Variants in COP1 observed in about 807,000 individuals in gnomAD.
The protein encoded by COP1 is E3 ubiquitin-protein ligase COP1.
COP1 carries 24 observed loss-of-function variants against 101.3 expected under a neutral mutation model. That is an observed-to-expected ratio of 0.24 (90% CI 0.17 to 0.33). COP1 has a LOEUF of 0.33. Ranked by LOEUF, COP1 falls within the 10% of genes least tolerant of loss-of-function variation. The pLI is 1.00. For synonymous variants in COP1, 347 were observed against 341.9 expected, an observed-to-expected ratio of 1.01 and a Z score of -0.17; for missense variants, 663 against 906.2, an observed-to-expected ratio of 0.73 and a Z score of 3.45.
Position 175,944,891 on chromosome 1 carries a change from C to T in COP1, c.*262G>A. ...TTTTTATTCAAAAGAATTTGTTTCCCTATCACAAAAATTAGATAACACCAC... is the reference window on the plus strand; with the variant it reads ...TTTTTATTCAAAAGAATTTGTTTCCTTATCACAAAAATTAGATAACACCAC... On this transcript the variant is annotated 3_prime_UTR_variant, in exon 20 of 20. Transcript: ENST00000367669. The T allele has an allele frequency of 2.4e-6, 1 of 415,502 alleles. No homozygotes were observed. The highest frequency in any genetic ancestry group is 7.1e-5 in the South Asian group (1 of 14,028). The allele number at this position is 415,502 out of a possible 1,614,324, so 25.7% of individuals were successfully genotyped here.
chr1:176,160,665 T>TG (rs1228677497), intron 5 of COP1, among the ~76,000 whole-genome samples: 7 of 151,910 alleles, frequency 4.6e-5, no homozygotes, highest in East Asian at 1.9e-4. Flanking sequence ...AAAAAACGTA[T>TG]GAAAAAAAAC....
At position 176,184,283 on chromosome 1, in the gene COP1, G is replaced by GCGTTCTCCAACCTATCC. The variant is rs375344658; in HGVS notation, c.467+333_467+349dup. The stretch of plus-strand genomic sequence containing the variant: ...CATGACCTTCTTAGCCTGCTTCACT[G>GCGTTCTCCAACCTATCC]CGTTCTCCAACCTATCCCCACAAGT... On this transcript the variant is annotated intron_variant, in intron 2 of 19. Transcript: ENST00000367669. Among the ~76,000 whole-genome samples the GCGTTCTCCAACCTATCC allele has an allele frequency of 8.8e-4, 134 of 152,218 alleles. 2 individuals are homozygous for GCGTTCTCCAACCTATCC. Among genetic ancestry groups the GCGTTCTCCAACCTATCC allele is most frequent in the African/African-American group, 2.7e-3 (114 of 41,540 alleles).
intron 9 of COP1, among the ~76,000 whole-genome samples, chr1:176,103,572 A>G (rs990020980): frequency 3.9e-5 from 6 of 152,234 alleles, no homozygotes; most frequent in Admixed American, 3.3e-4. Flanking sequence ...TCCAAAGTCC[A>G]AAATGCTCCA....
At chr1:176,149,864 T>C (rs12129873) in intron 5 of COP1, among the ~76,000 whole-genome samples, 10,560 of 152,094 alleles carry the variant, frequency 0.069, 458 homozygotes, top group Non-Finnish European at 0.087. Flanking sequence ...AGACAGTTTA[T>C]GAACAAACAT....
chr1:176,094,745 T>C (rs1287944134), intron 9 of COP1, among the ~76,000 whole-genome samples: 2 of 151,820 alleles, frequency 1.3e-5, no homozygotes, highest in Admixed American at 6.6e-5. Flanking sequence ...AAGAGCAAAT[T>C]AGATGATCAT....
intron 14 of COP1, among the ~76,000 whole-genome samples, chr1:176,035,978 T>G (rs952795856): frequency 5.9e-5 from 9 of 152,182 alleles, no homozygotes; most frequent in African/African-American, 1.9e-4. Flanking sequence ...CTGAAAATTT[T>G]AAGGAAATTT....
intron 7 of COP1, 93 bp downstream of exon 7, chr1:176,136,395 T>G (rs1689801882): frequency 1.4e-6 from 1 of 735,178 alleles, no homozygotes; most frequent in Admixed American, 2.6e-5. Context: ...CTAAGACCAA[T>G]CCCATAAACT....
chr1:176,207,000 C>T lies in COP1; in HGVS notation c.-22G>A. The stretch of plus-strand genomic sequence containing the variant: ...ACATCGTGACTCCCTCCCCTCCAGC[C>T]GGGCGCTCGGAGGAGAGGGACCGCG... On this transcript the variant is annotated 5_prime_UTR_variant, in exon 1 of 20. Coordinates refer to ENST00000367669, the MANE Select transcript of COP1 (RefSeq NM_022457.7). The T allele has an allele frequency of 7.3e-7, 1 of 1,366,638 alleles. No individual in the cohort carries two copies. The highest frequency in any genetic ancestry group is 1.6e-5 in the South Asian group (1 of 61,336). 84.7% of individuals were successfully genotyped at this position (1,366,638 alleles called of 1,614,324 possible). A position where few individuals can be genotyped will look rare whatever the true frequency, so the allele number is the denominator to read the frequency against.
intron 8 of COP1, among the ~76,000 whole-genome samples, chr1:176,127,232 A>C: frequency 6.6e-6 from 1 of 152,118 alleles, no homozygotes; most frequent in East Asian, 1.9e-4. Context: ...CTCTTTTGCT[A>C]TTCTAAAACA....
chr1:175,967,279 T>G (rs990721979), intron 18 of COP1, among the ~76,000 whole-genome samples: 12 of 152,182 alleles, frequency 7.9e-5, no homozygotes, highest in African/African-American at 2.9e-4. Flanking sequence ...CCCAAAGTGA[T>G]GGGACTACTG....
chr1:176,041,008 G>A (rs1670425287), intron 14 of COP1, among the ~76,000 whole-genome samples: 1 of 152,052 alleles, frequency 6.6e-6, no homozygotes, highest in Non-Finnish European at 1.5e-5. Context: ...ACAGTGAATA[G>A]TAAAGATGGA....
chr1:176,113,159 T>C (rs1298645651), intron 9 of COP1, among the ~76,000 whole-genome samples: 2 of 152,144 alleles, frequency 1.3e-5, no homozygotes, highest in Non-Finnish European at 2.9e-5. Flanking sequence ...CGACTTTACA[T>C]TCTCATCAGT....
chr1:176,133,071 C>T (rs1470731653), intron 8 of COP1, among the ~76,000 whole-genome samples: 10 of 136,456 alleles, frequency 7.3e-5, no homozygotes, highest in African/African-American at 2.5e-4. Flanking sequence ...CACATATGTA[C>T]GTATATATAC....
At chr1:176,019,737 T>C (rs530842449) in intron 15 of COP1, among the ~76,000 whole-genome samples, 1 of 151,882 alleles carries the variant, frequency 6.6e-6, no homozygotes, top group African/African-American at 2.4e-5. Flanking sequence ...AGCATGCTCC[T>C]GTAGTCTCAG....
intron 1 of COP1, among the ~76,000 whole-genome samples, chr1:176,185,181 G>A (rs1698292851): frequency 6.6e-6 from 1 of 151,980 alleles, no homozygotes; most frequent in South Asian, 2.1e-4. Context: ...CAACTTATTA[G>A]CTATTTAAAT....
chr1:176,163,072 T>C, intron 4 of COP1, 84 bp from the exon 5 acceptor site: 2 of 1,360,478 alleles, frequency 1.5e-6, no homozygotes, highest in Non-Finnish European at 2.0e-6. Flanking sequence ...TGCTACTTCC[T>C]AATATGCTCA....
intron 9 of COP1, among the ~76,000 whole-genome samples, chr1:176,107,387 C>T (rs866152330): frequency 3.3e-5 from 5 of 151,812 alleles, no homozygotes; most frequent in Admixed American, 2.0e-4. Context: ...AAGGTCAGTA[C>T]GGAATGAAGC....
At chr1:175,980,236 T>C (rs963647330) in intron 18 of COP1, among the ~76,000 whole-genome samples, 3 of 121,132 alleles carry the variant, frequency 2.5e-5, no homozygotes, top group Non-Finnish European at 5.8e-5. Flanking sequence ...CAAAATACTA[T>C]GATGTCTTTT....
intron 11 of COP1, among the ~76,000 whole-genome samples, chr1:176,059,044 C>CT (rs1202411387): frequency 6.6e-6 from 1 of 152,250 alleles, no homozygotes; most frequent in African/African-American, 2.4e-5. Flanking sequence ...GCACTGCCCT[C>CT]TAACTTCAAG....
Sources: allele counts gnomAD v4.1 joint callset (sites outside exome capture counted in the v4.1 genomes callset), GRCh38; gene constraint gnomAD v4.1.1; transcripts MANE v1.5; gene names NCBI Gene and HGNC (gene_info 2026-07-23, HGNC 2026-07-21).